Variants in WHRN observed in about 807,000 individuals in gnomAD.
WHRN encodes the protein whirlin, also known as CASK-interacting protein CIP98.
A neutral mutation model predicts 68.3 loss-of-function variants in WHRN; 41 were observed. That is an observed-to-expected ratio of 0.60 (90% CI 0.47 to 0.78). The LOEUF is 0.78. Ranked by LOEUF, WHRN falls within the 30% of genes least tolerant of loss-of-function variation. The pLI, the probability that WHRN is intolerant of heterozygous loss-of-function variation, is 0.00. For missense variants in WHRN, 1,243 were observed against 1,244.7 expected (o/e 1.00, Z 0.02); for synonymous variants, 560 against 561.3 (o/e 1.00, Z 0.03).
chr9:114,464,115 A>T (rs1383754705), intron 3 of WHRN, among the ~76,000 whole-genome samples: 1 of 152,198 alleles, frequency 6.6e-6, no homozygotes, highest in East Asian at 1.9e-4. Context: ...CACCCACAAA[A>T]ATTAAAAATA....
chr9:114,476,316 C>A (rs1307574832), intron 2 of WHRN, among the ~76,000 whole-genome samples: 1 of 151,960 alleles, frequency 6.6e-6, no homozygotes, highest in Non-Finnish European at 1.5e-5. Context: ...CCTTACCTAA[C>A]CCCCACCCTC....
rs779467474 is a variant in WHRN, at chr9:114,466,276, G to A, written c.954C>T (p.Ser318=). The part of the protein sequence containing the change: ...GVDPGSEAEG[S]GLKVGDQILE... Reference sequence around the variant, plus strand: ...TCAGGCCCTCCCTCACCTTGAGCCCGCTGCCTTCTGCTTCAGAGCCTGGGT... The same window carrying A: ...TCAGGCCCTCCCTCACCTTGAGCCCACTGCCTTCTGCTTCAGAGCCTGGGT... The change falls in exon 3 of 12, where the codon AGC becomes AGT. Residue 318 remains serine (S), a synonymous_variant. Transcript: ENST00000362057. 8 of 1,613,726 alleles carry A rather than the reference G, an allele frequency of 5.0e-6. No homozygotes were observed. Among genetic ancestry groups the A allele is most frequent in the South Asian group, 3.3e-5 (3 of 91,092 alleles).
chr9:114,483,127 A>C (rs937870497), intron 1 of WHRN, among the ~76,000 whole-genome samples: 2 of 152,220 alleles, frequency 1.3e-5, no homozygotes, highest in African/African-American at 2.4e-5. Flanking sequence ...TTAGGGATAA[A>C]TATGGGCTTT....
At chr9:114,421,329 T>G (rs1050319909) in intron 7 of WHRN, among the ~76,000 whole-genome samples, 1 of 152,212 alleles carries the variant, frequency 6.6e-6, no homozygotes, top group Non-Finnish European at 1.5e-5. Context: ...AGTGCCGAGC[T>G]GGGGGCTCCT....
chr9:114,500,877 T>C (rs939991121), intron 1 of WHRN, among the ~76,000 whole-genome samples: 2 of 152,230 alleles, frequency 1.3e-5, no homozygotes, highest in South Asian at 2.1e-4. Flanking sequence ...TTTCCTGATA[T>C]AGTAGGATGC....
Position 114,423,510 on chromosome 9 carries a change from G to C in WHRN, c.1430C>G (p.Ser477Cys). ...LNTHAKFSLL[S>C]EVRGTISPQD... Reference sequence around the variant, plus strand: ...CGGGGAAATGGTGCCTCTCACCTCAGAGAGGAGTGAGAACTGGAGGCGGGG... The same window carrying C: ...CGGGGAAATGGTGCCTCTCACCTCACAGAGGAGTGAGAACTGGAGGCGGGG... The change falls in exon 7 of 12, where the codon TCT (serine) becomes TGT (cysteine). Residue 477 changes from serine to cysteine, a missense_variant. By Grantham distance (112) the Ser-to-Cys change is moderately radical. Coordinates refer to ENST00000362057, the MANE Select transcript of WHRN (RefSeq NM_015404.4). 6.2e-7 allele frequency: 1 copy of C among 1,608,598 alleles called. No individual in the cohort carries two copies. The highest frequency in any genetic ancestry group is 8.5e-7 in the Non-Finnish European group (1 of 1,175,660).
At position 114,468,052 on chromosome 9, in the gene WHRN, T is replaced by G. The variant is rs149949850; in HGVS notation, c.838-1660A>C. On this transcript the variant is annotated intron_variant, in intron 2 of 11. Coordinates refer to ENST00000362057, the MANE Select transcript of WHRN (RefSeq NM_015404.4). ...CTTCAACCACCTTGGGCAGAGGTGGTGAACAAGAGAGACTCAAGTCCCAGC... is the reference window on the plus strand; with the variant it reads ...CTTCAACCACCTTGGGCAGAGGTGGGGAACAAGAGAGACTCAAGTCCCAGC... Among the ~76,000 whole-genome samples, 28 of 152,288 alleles carry G rather than the reference T, an allele frequency of 1.8e-4. No individual in the cohort carries two copies. In the East Asian group the frequency reaches 5.2e-3, roughly 28 times the overall value.
intron 1 of WHRN, among the ~76,000 whole-genome samples, chr9:114,487,558 G>A (rs1842648057): frequency 6.6e-6 from 1 of 152,148 alleles, no homozygotes; most frequent in Non-Finnish European, 1.5e-5. Context: ...TGGACATTTA[G>A]GGTGTTTCTC....
intron 3 of WHRN, among the ~76,000 whole-genome samples, chr9:114,452,393 G>A (rs566437183): frequency 3.3e-5 from 5 of 152,314 alleles, no homozygotes; most frequent in Admixed American, 6.5e-5. Flanking sequence ...TTTCCATCAC[G>A]CAAATTCAGG....
intron 3 of WHRN, among the ~76,000 whole-genome samples, chr9:114,437,699 A>G (rs567453158): frequency 2.0e-5 from 3 of 152,364 alleles, no homozygotes; most frequent in East Asian, 1.9e-4. Flanking sequence ...GATAGCCCCT[A>G]TCAGGAACTG....
At chr9:114,445,745 G>A (rs1434006009) in intron 3 of WHRN, among the ~76,000 whole-genome samples, 1 of 152,032 alleles carries the variant, frequency 6.6e-6, no homozygotes, top group Non-Finnish European at 1.5e-5. Context: ...TAGTAATTTG[G>A]GATAAATCAT....
intron 2 of WHRN, among the ~76,000 whole-genome samples, chr9:114,473,015 G>C (rs1841367487): frequency 6.6e-6 from 1 of 152,216 alleles, no homozygotes; most frequent in African/African-American, 2.4e-5. Flanking sequence ...CCTGCTCCTT[G>C]TGTTCCAGGC....
Position 114,424,434 on chromosome 9 carries a change from T to A in WHRN, c.1316A>T (p.His439Leu), listed in dbSNP as rs781184468. The change falls in exon 6 of 12, where the codon CAC (histidine) becomes CTC (leucine). Residue 439 changes from histidine (H) to leucine (L), a missense_variant. Coordinates refer to ENST00000362057, the MANE Select transcript of WHRN (RefSeq NM_015404.4). ...ATCCAGGTAGTAGGCCATGGTGGCG[T>A]GTTCCTGCTCGTTCAGCAGGTGCCG... Reference protein sequence around the residue: ...QARHLLNEQEHATMAYYLDEY... With the variant: ...QARHLLNEQELATMAYYLDEY... 5.0e-6 allele frequency: 8 copies of A among 1,613,462 alleles called. No homozygotes were observed. The highest frequency in any genetic ancestry group is 6.8e-6 in the Non-Finnish European group (8 of 1,180,024).
Position 114,402,902 on chromosome 9 carries a change from T to C in WHRN, c.2576A>G (p.Lys859Arg). 1 of 1,613,550 alleles carries C rather than the reference T, an allele frequency of 6.2e-7. No homozygotes were observed. The highest frequency in any genetic ancestry group is 2.2e-5 in the East Asian group (1 of 44,870). ...CACTTCCAGAATCACGTGGCCCACC[T>C]TGAGCTGCCCACAGTTGTGAGCTGA... ...GGSAHNCGQL[K>R]VGHVILEVNG... Residue 859 changes from lysine (K) to arginine (R), a missense_variant, in exon 12 of 12, where the codon AAG becomes AGG. Physicochemically the swap from Lys to Arg is conservative, Grantham distance 26 (BLOSUM62 2). Transcript: ENST00000362057.
intron 3 of WHRN, among the ~76,000 whole-genome samples, chr9:114,462,543 C>T (rs549821138): frequency 1.3e-5 from 2 of 152,316 alleles, no homozygotes; most frequent in African/African-American, 2.4e-5. Context: ...TGTCAGGCCT[C>T]GGTTTAAATA....
intron 3 of WHRN, among the ~76,000 whole-genome samples, chr9:114,427,750 A>T (rs1453765096): frequency 6.6e-6 from 1 of 150,982 alleles, no homozygotes; most frequent in South Asian, 2.1e-4. Context: ...ACAAAGACAG[A>T]CTTTACCTCT....
At chr9:114,496,939 G>A (rs1255581462) in intron 1 of WHRN, among the ~76,000 whole-genome samples, 1 of 152,204 alleles carries the variant, frequency 6.6e-6, no homozygotes, top group East Asian at 1.9e-4. Context: ...CACCTCTCTG[G>A]TCAAGCCTTT....
In WHRN at chr9:114,402,715, G is replaced by C; in HGVS notation, c.*39C>G. 6.2e-7 allele frequency: 1 copy of C among 1,612,420 alleles called. No homozygotes were observed. Among genetic ancestry groups the C allele is most frequent in the South Asian group, 1.1e-5 (1 of 91,040 alleles). On this transcript the variant is annotated 3_prime_UTR_variant, in exon 12 of 12. Transcript: ENST00000362057. ...CAACGGTGGAAAGGGACTGGGACCA[G>C]GGGCTGGGCAGTGGTGGGAGGCCCT...
At chr9:114,405,066 CTCTCTTTT>C (rs1188877510) in intron 9 of WHRN, among the ~76,000 whole-genome samples, 2 of 118,700 alleles carry the variant, frequency 1.7e-5, no homozygotes, top group East Asian at 2.6e-4. Context: ...TTCTCTCTCT[CTCTCTTTT>C]TTTTTTTTTT....
Sources: allele counts gnomAD v4.1 joint callset (sites outside exome capture counted in the v4.1 genomes callset), GRCh38; gene constraint gnomAD v4.1.1; transcripts MANE v1.5; gene names NCBI Gene and HGNC (gene_info 2026-07-23, HGNC 2026-07-21).